RDH13: variants seen among roughly 807,000 people sequenced by gnomAD.
RDH13 encodes retinol dehydrogenase 13, also known as retinol dehydrogenase 13 (all-trans and 9-cis).
In RDH13, 35 loss-of-function variants were observed where a neutral mutation model predicts 28.3. That is an observed-to-expected ratio of 1.24 (90% CI 0.95 to 1.64). The LOEUF is 1.64. RDH13 is among the 40% of genes most tolerant of loss of function. The probability of loss-of-function intolerance (pLI) is 0.00; values close to 1 mark genes in which losing one functional copy is unlikely to be tolerated. For missense variants in RDH13, 514 were observed against 446.3 expected, an observed-to-expected ratio of 1.15 and a Z score of -1.37; for synonymous variants, 229 against 198.5, an observed-to-expected ratio of 1.15 and a Z score of -1.29.
downstream of RDH13, chr19:55,044,139 CGATCTCCT>C (rs2075119121): frequency 6.6e-6 from 1 of 151,976 alleles, no homozygotes; most frequent in African/African-American, 2.4e-5. Flanking sequence ...AGGATGGTCT[CGATCTCCT>C]GACCTCGTGA....
intron 3 of RDH13, among the ~76,000 whole-genome samples, chr19:55,049,672 C>A (rs2075363100): frequency 6.6e-6 from 1 of 151,940 alleles, no homozygotes; most frequent in South Asian, 2.1e-4. Context: ...ACCTGTAATC[C>A]CAGCTACTCA....
chr19:55,062,856 G>A (rs1389775368), intron 1 of RDH13, 112 bp downstream of exon 1: 2 of 959,912 alleles, frequency 2.1e-6, no homozygotes, highest in Admixed American at 4.2e-5. Flanking sequence ...ACTGCGGGTC[G>A]GGAGCTACGG....
At chr19:55,043,825 AGT>A (rs567962200), downstream of RDH13, among the ~76,000 whole-genome samples, 1 of 152,256 alleles carries the variant, frequency 6.6e-6, no homozygotes, top group African/African-American at 2.4e-5. Context: ...ATCTCTATCC[AGT>A]TTCTAACACA....
At position 55,054,519 on chromosome 19, in the gene RDH13, G is replaced by C. The variant is rs1331203487; in HGVS notation, c.340+2134C>G. Among the ~76,000 whole-genome samples, 6 of 152,270 alleles carry C rather than the reference G, an allele frequency of 3.9e-5. No homozygotes were observed. The East Asian group carries it at 7.8e-4, about 20-fold the overall frequency. On this transcript the variant is annotated intron_variant, in intron 3 of 6. Transcript: ENST00000415061. Reference sequence around the variant, plus strand: ...GAGAATCGCTTGAACCCAGGAGGCGGAGGCTGCAGTGAGCCAAGATCGCAT... The same window carrying C: ...GAGAATCGCTTGAACCCAGGAGGCGCAGGCTGCAGTGAGCCAAGATCGCAT...
At chr19:55,054,005 A>C (rs566933604) in intron 3 of RDH13, 5 of 152,268 alleles carry the variant, frequency 3.3e-5, no homozygotes, top group Admixed American at 2.6e-4. Context: ...CACCTACCCG[A>C]CAACAGTGCC....
intron 2 of RDH13, among the ~76,000 whole-genome samples, chr19:55,057,464 ACT>A (rs1244595279): frequency 7.2e-6 from 1 of 138,568 alleles, no homozygotes; most frequent in East Asian, 2.1e-4. Context: ...ATGGAGTCTC[ACT>A]CTGTCACCCA....
Position 55,045,207 on chromosome 19 carries a change from A to C in RDH13, c.863T>G (p.Phe288Cys). ...CGGGGCCTTCTGTTTGAGTCCATCG[A>C]AGTACTTTCCGGAAACATCCGCCAG... is the stretch of plus-strand genomic sequence containing the variant. Reference protein sequence around the residue: ...EELADVSGKYFDGLKQKAPAP... With the variant: ...EELADVSGKYCDGLKQKAPAP... Residue 288 changes from phenylalanine (F) to cysteine (C), a missense_variant, in exon 7 of 7, where the codon TTC (phenylalanine) becomes TGC (cysteine). Physicochemically the swap from Phe to Cys is radical, Grantham distance 205. Transcript: ENST00000415061. 6.2e-7 allele frequency: 1 copy of C among 1,613,486 alleles called. No homozygotes were observed.
chr19:55,046,259 C>CATTT (rs199702727), intron 6 of RDH13, among the ~76,000 whole-genome samples: 2,568 of 140,076 alleles, frequency 0.018, 82 homozygotes, highest in African/African-American at 0.063. Context: ...AAAAAAAAGA[C>CATTT]ATTTATTTAT....
upstream of RDH13, chr19:55,064,417 C>CA (rs138048402): frequency 0.33 from 45,674 of 139,784 alleles, 7,632 homozygotes; most frequent in East Asian, 0.43. Flanking sequence ...GAAATTCTGT[C>CA]AAAAAAAAAA....
At chr19:55,066,805 A>T (rs1015721587), upstream of RDH13, among the ~76,000 whole-genome samples, 4 of 151,692 alleles carry the variant, frequency 2.6e-5, no homozygotes, top group Non-Finnish European at 4.4e-5. Context: ...TCAGCAGTGT[A>T]AGGTAAGTTT....
chr19:55,066,739 G>C (rs535926587), upstream of RDH13, among the ~76,000 whole-genome samples: 133 of 141,722 alleles, frequency 9.4e-4, no homozygotes, highest in African/African-American at 3.2e-3. Context: ...CTCTCTCTCT[G>C]TTCTCTCTCT....
intron 1 of RDH13, among the ~76,000 whole-genome samples, chr19:55,061,036 G>C (rs2075793276): frequency 6.6e-6 from 1 of 152,134 alleles, no homozygotes; most frequent in Non-Finnish European, 1.5e-5. Flanking sequence ...TCCACTTCCA[G>C]CTCCTACAGA....
chr19:55,057,208 T>C (rs1844131453), intron 2 of RDH13, among the ~76,000 whole-genome samples: 1 of 151,966 alleles, frequency 6.6e-6, no homozygotes, highest in African/African-American at 2.4e-5. Flanking sequence ...AGAAAGAAAA[T>C]AGATTCTTGG....
At position 55,047,462 on chromosome 19, in the gene RDH13, G is replaced by A. The variant is rs1225371945; in HGVS notation, c.685C>T (p.His229Tyr). ...QGSGVTVNAL[H>Y]PGVARTELGR... ...AGCTCTGTCCTGGCCACGCCGGGGT[G>A]CAGGGCGTTGACAGTCACACCAGAG... Residue 229 changes from histidine to tyrosine, a missense_variant, in exon 6 of 7, where the codon CAC becomes TAC. Coordinates refer to ENST00000415061, the MANE Select transcript of RDH13 (RefSeq NM_001145971.2). 1 of 1,609,118 alleles carries A rather than the reference G, an allele frequency of 6.2e-7. No individual in the cohort carries two copies. The highest frequency in any genetic ancestry group is 1.3e-5 in the African/African-American group (1 of 75,044).
At chr19:55,054,353 T>C (rs1308600821) in intron 3 of RDH13, among the ~76,000 whole-genome samples, 1 of 152,172 alleles carries the variant, frequency 6.6e-6, no homozygotes, top group Non-Finnish European at 1.5e-5. Flanking sequence ...CCCAGCACTT[T>C]GGGAGGCTGA....
chr19:55,059,028 C>A, intron 2 of RDH13, 129 bp downstream of exon 2: 1 of 663,566 alleles, frequency 1.5e-6, no homozygotes, highest in Non-Finnish European at 2.7e-6. Context: ...CTATAGAAGC[C>A]ACATTCTGTT....
At chr19:55,055,443 T>C (rs8101745) in intron 3 of RDH13, among the ~76,000 whole-genome samples, 112,580 of 151,882 alleles carry the variant, frequency 0.74, 41,948 homozygotes, top group East Asian at 0.94. Flanking sequence ...CGTGAGCCAC[T>C]GTGCCCAGCC....
chr19:55,054,332 A>G (rs1384818386), intron 3 of RDH13, among the ~76,000 whole-genome samples: 1 of 152,170 alleles, frequency 6.6e-6, no homozygotes, highest in Non-Finnish European at 1.5e-5. Flanking sequence ...ATGGTGGCTC[A>G]TGCCTGTAAT....
chr19:55,056,916 A>G (rs565517512), intron 2 of RDH13, 108 bp from the exon 3 acceptor site: 3 of 969,900 alleles, frequency 3.1e-6, no homozygotes, highest in Non-Finnish European at 4.5e-6. Context: ...ACCAATGTTC[A>G]CTGCGGCATT....
Sources: gnomAD v4.1 joint callset for allele counts (sites outside exome capture counted in the v4.1 genomes callset) on GRCh38, gnomAD v4.1.1 for gene constraint, MANE v1.5 for transcripts, NCBI Gene and HGNC (gene_info 2026-07-23, HGNC 2026-07-21) for gene names.